HOTAIR: variants seen among roughly 807,000 people sequenced by gnomAD.
The protein encoded by HOTAIR is HOX transcript antisense RNA.
At chr12:53,974,616 A>G (rs78894992) in intron 1 of HOTAIR, among the ~76,000 whole-genome samples, 4,232 of 151,280 alleles carry the variant, frequency 0.028, 193 homozygotes, top group African/African-American at 0.098. Context: ...CCGCGGCCTT[A>G]GTGCTTGCCT....
chr12:53,973,348 G>A lies in HOTAIR; in HGVS notation n.59+1550C>T, dbSNP rs1466101139. The stretch of plus-strand genomic sequence containing the variant: ...TGCGCCTCCAACCTCTATCTGCCCA[G>A]TTGCACTTACTACATGCCCGAGTTC... On this transcript the variant is annotated intron_variant and non_coding_transcript_variant, in intron 1 of 6. Coordinates refer to ENST00000424518, the Ensembl canonical transcript of HOTAIR. The surrounding 1 kb of genome is among the most constrained non-coding windows in gnomAD (Gnocchi z 4.3). 1.2e-6 allele frequency: 2 copies of A among 1,612,274 alleles called. No individual in the cohort carries two copies. Among genetic ancestry groups the A allele is most frequent in the Non-Finnish European group, 1.7e-6 (2 of 1,179,384 alleles).
chr12:53,971,893 G>T (rs999241527), intron 1 of HOTAIR, among the ~76,000 whole-genome samples: 1 of 152,238 alleles, frequency 6.6e-6, no homozygotes, highest in East Asian at 1.9e-4. Flanking sequence ...GAGGCTGACA[G>T]ACTTGTAGGA....
At chr12:53,965,398 A>G (rs746438013) in intron 5 of HOTAIR, among the ~76,000 whole-genome samples, 3 of 152,190 alleles carry the variant, frequency 2.0e-5, no homozygotes, top group Non-Finnish European at 4.4e-5. Flanking sequence ...AACCAATTTC[A>G]TTGTCATCCC....
chr12:53,972,650 C>T (rs924134068), intron 1 of HOTAIR, among the ~76,000 whole-genome samples: 5 of 152,182 alleles, frequency 3.3e-5, no homozygotes, highest in African/African-American at 9.7e-5. Flanking sequence ...TGTGAACAGG[C>T]GGTGTCTCTG....
chr12:53,967,004 T>G (rs1939067158), intron 3 of HOTAIR, among the ~76,000 whole-genome samples: 1 of 152,172 alleles, frequency 6.6e-6, no homozygotes, highest in Non-Finnish European at 1.5e-5. Context: ...AAATAATTGG[T>G]GTGGGGATAT....
intron 2 of HOTAIR, chr12:53,968,064 T>C (rs372846922): frequency 7.2e-5 from 11 of 152,062 alleles, no homozygotes; most frequent in African/African-American, 2.7e-4. Context: ...GGATGCAAGT[T>C]AATAAAACCT....
intron 1 of HOTAIR, among the ~76,000 whole-genome samples, chr12:53,974,680 C>A (rs983836794): frequency 6.6e-6 from 1 of 151,404 alleles, no homozygotes; most frequent in Non-Finnish European, 1.5e-5. Flanking sequence ...CGCCAGGGCC[C>A]CGGAAGCGGC....
chr12:53,969,201 T>A (rs150941465), intron 1 of HOTAIR, among the ~76,000 whole-genome samples: 168 of 152,354 alleles, frequency 1.1e-3, no homozygotes, highest in Middle Eastern at 3.4e-3. Flanking sequence ...AGCGGCTCCA[T>A]TTCCAGCCTG....
At position 53,973,756 on chromosome 12, in the gene HOTAIR, C is replaced by A; in HGVS notation, n.59+1142G>T. The A allele has an allele frequency of 6.2e-7, 1 of 1,612,420 alleles. No homozygotes were observed. Among genetic ancestry groups the A allele is most frequent in the Non-Finnish European group, 8.5e-7 (1 of 1,179,570 alleles). On this transcript the variant is annotated intron_variant and non_coding_transcript_variant, in intron 1 of 6. Transcript: ENST00000424518. The surrounding 1 kb of genome is among the most constrained non-coding windows in gnomAD (Gnocchi z 4.3). ...GACCCGCCCGCCGAGCCCCCCTGCTCCGGCAAGGGCGAGGCCAAGGGGGAG... is the reference window on the plus strand; with the variant it reads ...GACCCGCCCGCCGAGCCCCCCTGCTACGGCAAGGGCGAGGCCAAGGGGGAG...
chr12:53,972,789 C>T lies in HOTAIR; in HGVS notation n.59+2109G>A, dbSNP rs781525379. 7.2e-5 allele frequency among the ~76,000 whole-genome samples: 11 copies of T among 152,220 alleles called. No individual in the cohort carries two copies. The South Asian group carries it at 1.5e-3, about 20-fold the overall frequency. On this transcript the variant is annotated intron_variant and non_coding_transcript_variant, in intron 1 of 6. Transcript: ENST00000424518. Reference sequence around the variant, plus strand: ...CTGCTCACAGAGAGGAGGCAAGACCCCCATACATGAGAGCCCTCCTCCTTC... The same window carrying T: ...CTGCTCACAGAGAGGAGGCAAGACCTCCATACATGAGAGCCCTCCTCCTTC...
At chr12:53,968,883 C>G (rs1377435529) in intron 1 of HOTAIR, 1 of 152,278 alleles carries the variant, frequency 6.6e-6, no homozygotes, top group Non-Finnish European at 1.5e-5. Context: ...CTTCCCACCC[C>G]TCTCTTTTCT....
At chr12:53,968,398 C>T (rs1235671754) in intron 2 of HOTAIR, 1 of 152,216 alleles carries the variant, frequency 6.6e-6, no homozygotes, top group Non-Finnish European at 1.5e-5. Context: ...AGATAAAAGT[C>T]TAGACAATAG....
At chr12:53,974,585 G>T (rs1048431948) in intron 1 of HOTAIR, among the ~76,000 whole-genome samples, 10 of 152,128 alleles carry the variant, frequency 6.6e-5, no homozygotes, top group African/African-American at 2.2e-4. Context: ...CCAGGCGGGG[G>T]TCTGGGCGTT....
Position 53,973,396 on chromosome 12 carries a change from C to T in HOTAIR, n.59+1502G>A, listed in dbSNP as rs1462955169. 1.2e-6 allele frequency: 2 copies of T among 1,614,052 alleles called. No homozygotes were observed. Among genetic ancestry groups the T allele is most frequent in the African/African-American group, 1.3e-5 (1 of 74,922 alleles). ...TTCTCCACGGTCTCCTCCTTCCTGC[C>T]CCAGGCCCCCTCTCGTCAGATCTCC... On this transcript the variant is annotated intron_variant and non_coding_transcript_variant, in intron 1 of 6. Coordinates refer to ENST00000424518, the Ensembl canonical transcript of HOTAIR. This position sits in a 1 kb window ranked among gnomAD's most constrained non-coding sequence, Gnocchi z 4.3.
chr12:53,973,986 G>C lies in HOTAIR; in HGVS notation n.59+912C>G, dbSNP rs1939201074. 2.2e-6 allele frequency: 3 copies of C among 1,357,114 alleles called. No homozygotes were observed. The highest frequency in any genetic ancestry group is 3.0e-5 in the African/African-American group (2 of 67,242). 84.1% of individuals were successfully genotyped at this position (1,357,114 alleles called of 1,614,324 possible). A position where few individuals can be genotyped will look rare whatever the true frequency, so the allele number is the denominator to read the frequency against. On this transcript the variant is annotated intron_variant and non_coding_transcript_variant, in intron 1 of 6. Transcript: ENST00000424518. This position sits in a 1 kb window ranked among gnomAD's most constrained non-coding sequence, Gnocchi z 4.3. ...GGAGGGAGCGAGAGAGGGAGGGCGAGAGAAGGGGGGAGGCAAGGGGAGCGG... is the reference window on the plus strand; with the variant it reads ...GGAGGGAGCGAGAGAGGGAGGGCGACAGAAGGGGGGAGGCAAGGGGAGCGG...
In HOTAIR at chr12:53,973,187, C is replaced by T; in HGVS notation, n.59+1711G>A. ...TCATCTCGCCTTCCCAAATTTTCCCCCCTCGCTAGACCGGGTCCAAAACCT... is the reference window on the plus strand; with the variant it reads ...TCATCTCGCCTTCCCAAATTTTCCCTCCTCGCTAGACCGGGTCCAAAACCT... On this transcript the variant is annotated intron_variant and non_coding_transcript_variant, in intron 1 of 6. Transcript: ENST00000424518. The surrounding 1 kb of genome is among the most constrained non-coding windows in gnomAD (Gnocchi z 4.3). 1 of 1,433,480 alleles carries T rather than the reference C, an allele frequency of 7.0e-7. No homozygotes were observed. Among genetic ancestry groups the T allele is most frequent in the Non-Finnish European group, 9.3e-7 (1 of 1,069,528 alleles). The allele number at this position is 1,433,480 out of a possible 1,614,324, so 88.8% of individuals were successfully genotyped here. A position where few individuals can be genotyped will look rare whatever the true frequency, so the allele number is the denominator to read the frequency against.
intron 3 of HOTAIR, among the ~76,000 whole-genome samples, chr12:53,967,105 T>G (rs1939069143): frequency 6.6e-6 from 1 of 152,190 alleles, no homozygotes; most frequent in South Asian, 2.1e-4. Context: ...ATCATTGCTT[T>G]TTAAATTGAA....
chr12:53,963,828 T>A (rs1351519751), exon 7 of HOTAIR: 1 of 152,266 alleles, frequency 6.6e-6, no homozygotes, highest in Non-Finnish European at 1.5e-5. Flanking sequence ...GGCGTTCATG[T>A]GGCGAGCTAG....
Position 53,973,418 on chromosome 12 carries a change from C to T in HOTAIR, n.59+1480G>A. ...TGCCCCAGGCCCCCTCTCGTCAGAT[C>T]TCCTATCCCTACTCGGCCCAAGTGC... is the stretch of plus-strand genomic sequence containing the variant. On this transcript the variant is annotated intron_variant and non_coding_transcript_variant, in intron 1 of 6. Transcript: ENST00000424518. The surrounding 1 kb of genome is among the most constrained non-coding windows in gnomAD (Gnocchi z 4.3). The T allele has an allele frequency of 5.6e-6, 9 of 1,614,232 alleles. No individual in the cohort carries two copies. Among genetic ancestry groups the T allele is most frequent in the Non-Finnish European group, 7.6e-6 (9 of 1,180,048 alleles).
Sources: allele counts gnomAD v4.1 joint callset (sites outside exome capture counted in the v4.1 genomes callset), GRCh38; gene constraint gnomAD v4.1.1; non-coding constraint Gnocchi (gnomAD v3.1); transcripts MANE v1.5; gene names NCBI Gene and HGNC (gene_info 2026-07-23, HGNC 2026-07-21).